PTPDC1: variants seen among roughly 807,000 people sequenced by gnomAD.
The protein encoded by PTPDC1 is protein tyrosine phosphatase domain-containing protein 1.
PTPDC1 carries 53 observed loss-of-function variants against 75.3 expected under a neutral mutation model. The ratio of observed to expected loss-of-function variants is 0.70; its 90% CI spans 0.56 to 0.88. The LOEUF is 0.88. PTPDC1 is among the 40% of genes least tolerant of loss of function. The pLI, the probability that PTPDC1 is intolerant of heterozygous loss-of-function variation, is 0.00. For missense variants in PTPDC1, 925 were observed against 998.6 expected (o/e 0.93, Z 0.99); for synonymous variants, 349 against 366.2 (o/e 0.95, Z 0.54).
upstream of PTPDC1, among the ~76,000 whole-genome samples, chr9:94,079,808 A>G (rs1826816581): frequency 6.6e-6 from 1 of 152,132 alleles, no homozygotes; most frequent in Non-Finnish European, 1.5e-5. Context: ...TCTCTGAGTG[A>G]TCCCCCTACT....
intron 1 of PTPDC1, among the ~76,000 whole-genome samples, chr9:94,044,569 G>A (rs1401120685): frequency 2.0e-5 from 3 of 152,158 alleles, no homozygotes; most frequent in Non-Finnish European, 4.4e-5. Flanking sequence ...GTTTGCTGAG[G>A]ATGACTTTGT....
At chr9:94,068,840 T>TG (rs1385203705) in intron 2 of PTPDC1, among the ~76,000 whole-genome samples, 1 of 152,222 alleles carries the variant, frequency 6.6e-6, no homozygotes, top group Non-Finnish European at 1.5e-5. Flanking sequence ...AATTTCCCAT[T>TG]ATTTGTTCGA....
intron 1 of PTPDC1, among the ~76,000 whole-genome samples, chr9:94,061,506 T>G (rs1826136674): frequency 6.6e-6 from 1 of 152,226 alleles, no homozygotes; most frequent in Non-Finnish European, 1.5e-5. Context: ...CTGGTAGCAG[T>G]TCTCCATGAG....
upstream of PTPDC1, among the ~76,000 whole-genome samples, chr9:94,081,572 C>T (rs147171695): frequency 4.1e-3 from 619 of 152,310 alleles, 4 homozygotes; most frequent in African/African-American, 0.014. Flanking sequence ...GATTGTGTTG[C>T]ATGCTGCTGC....
At chr9:94,106,322 TGGAGAGCA>T (rs1367093319) in intron 8 of PTPDC1, among the ~76,000 whole-genome samples, 1 of 152,190 alleles carries the variant, frequency 6.6e-6, no homozygotes, top group Non-Finnish European at 1.5e-5. Flanking sequence ...GAGCTCTGCC[TGGAGAGCA>T]GAAGGCACAC....
At chr9:94,042,228 G>A (rs576329442) in intron 1 of PTPDC1, among the ~76,000 whole-genome samples, 4 of 152,118 alleles carry the variant, frequency 2.6e-5, no homozygotes, top group Middle Eastern at 3.4e-3. Context: ...ACTACAGAAC[G>A]GTACTTATGT....
At chr9:94,044,982 A>G (rs536983872) in intron 1 of PTPDC1, among the ~76,000 whole-genome samples, 19 of 119,152 alleles carry the variant, frequency 1.6e-4, no homozygotes, top group African/African-American at 6.1e-4. Context: ...TACTAATGCT[A>G]TCCCTCCCCC....
intron 2 of PTPDC1, among the ~76,000 whole-genome samples, chr9:94,077,519 G>A (rs1826735212): frequency 6.6e-6 from 1 of 152,110 alleles, no homozygotes; most frequent in African/African-American, 2.4e-5. Flanking sequence ...CAGTACTCTA[G>A]GAAACACATT....
intron 2 of PTPDC1, among the ~76,000 whole-genome samples, chr9:94,076,868 G>A (rs1220348650): frequency 1.3e-5 from 2 of 151,982 alleles, no homozygotes; most frequent in Non-Finnish European, 2.9e-5. Context: ...TTTGATTGTA[G>A]CCATCCTAGT....
chr9:94,104,214 G>C (rs758656225), intron 7 of PTPDC1, 61 bp from the exon 8 acceptor site: 11 of 1,122,236 alleles, frequency 9.8e-6, no homozygotes, highest in Non-Finnish European at 1.5e-5. Flanking sequence ...CGATAGTTTT[G>C]AATTGATTTA....
intron 2 of PTPDC1, chr9:94,064,824 A>G: frequency 6.2e-7 from 1 of 1,607,180 alleles, no homozygotes. Flanking sequence ...CATGAAAGGT[A>G]ATGTCTCTTT....
chr9:94,047,544 A>G (rs1213447512), intron 1 of PTPDC1, among the ~76,000 whole-genome samples: 1 of 152,242 alleles, frequency 6.6e-6, no homozygotes, highest in Non-Finnish European at 1.5e-5. Flanking sequence ...AAAAGCTAGC[A>G]GAAGGCAAGA....
intron 1 of PTPDC1, among the ~76,000 whole-genome samples, chr9:94,062,976 C>T (rs915094763): frequency 5.9e-5 from 9 of 152,160 alleles, no homozygotes; most frequent in African/African-American, 2.2e-4. Context: ...TAAAGGTGAA[C>T]CAGTCATAAC....
chr9:94,035,880 G>T (rs973043747), intron 1 of PTPDC1, among the ~76,000 whole-genome samples: 1 of 152,076 alleles, frequency 6.6e-6, no homozygotes, highest in African/African-American at 2.4e-5. Context: ...CAGGTGTGAG[G>T]TGATATCTCC....
At chr9:94,046,581 C>A (rs779229896) in intron 1 of PTPDC1, among the ~76,000 whole-genome samples, 36 of 152,038 alleles carry the variant, frequency 2.4e-4, no homozygotes, top group Non-Finnish European at 4.6e-4. Flanking sequence ...AGTTGGATTC[C>A]TAGGTATTTT....
intron 1 of PTPDC1, among the ~76,000 whole-genome samples, chr9:94,061,092 A>T (rs1186119536): frequency 1.3e-5 from 2 of 152,194 alleles, no homozygotes; most frequent in African/African-American, 4.8e-5. Context: ...TACTTCTAAG[A>T]TACAATGGGG....
intron 2 of PTPDC1, among the ~76,000 whole-genome samples, chr9:94,077,992 G>C (rs549504887): frequency 1.3e-3 from 193 of 152,314 alleles, no homozygotes; most frequent in South Asian, 1.4e-3. Flanking sequence ...CCAACAGTCA[G>C]TTCCCATTCC....
chr9:94,107,024 G>C (rs1471402048), intron 8 of PTPDC1, among the ~76,000 whole-genome samples: 1 of 152,214 alleles, frequency 6.6e-6, no homozygotes, highest in African/African-American at 2.4e-5. Flanking sequence ...CACAATCTCA[G>C]CTCACTGCAT....
intron 1 of PTPDC1, among the ~76,000 whole-genome samples, chr9:94,054,268 G>A (rs147011116): frequency 2.6e-5 from 4 of 152,246 alleles, no homozygotes; most frequent in African/African-American, 9.6e-5. Context: ...TGAAGAGAGG[G>A]GTGACATGAC....
Sources: allele counts gnomAD v4.1 joint callset (sites outside exome capture counted in the v4.1 genomes callset), GRCh38; gene constraint gnomAD v4.1.1; transcripts MANE v1.5; gene names NCBI Gene and HGNC (gene_info 2026-07-23, HGNC 2026-07-21).